The following COL27A1 variants were observed in gnomAD, a reference collection of about 807,000 sequenced individuals.
The protein encoded by COL27A1 is collagen type XXVII alpha 1 chain, also known as collagen alpha-1(XXVII) chain.
In COL27A1, 106 loss-of-function variants were observed where a neutral mutation model predicts 251.3. The ratio of observed to expected loss-of-function variants is 0.42; its 90% CI spans 0.36 to 0.50. The LOEUF (loss-of-function observed/expected upper bound fraction) is 0.50, where lower values mean the gene tolerates loss of function less well. Among genes scored for constraint, COL27A1 ranks in the 20% least tolerant of loss-of-function variants. The pLI is 0.00. For synonymous variants in COL27A1, 1,000 were observed against 986.3 expected, an observed-to-expected ratio of 1.01 and a Z score of -0.26; for missense variants, 2,325 against 2,522.8, an observed-to-expected ratio of 0.92 and a Z score of 1.68.
At chr9:114,280,102 G>T (rs1351031694) in intron 37 of COL27A1, among the ~76,000 whole-genome samples, 1 of 152,054 alleles carries the variant, frequency 6.6e-6, no homozygotes, top group Admixed American at 6.5e-5. Context: ...GGAAATACTT[G>T]ATCTGTATTT....
Position 114,308,572 on chromosome 9 carries a change from G to C in COL27A1, c.5218-688G>C, listed in dbSNP as rs184884862. 6.6e-5 allele frequency among the ~76,000 whole-genome samples: 10 copies of C among 152,342 alleles called. No individual in the cohort carries two copies. In the East Asian group the frequency reaches 1.7e-3, roughly 26 times the overall value. ...GACTCGAAACTCCCCTGCGGCCAGAGCTCACAGTCCAGCAGGGACTTGGTG... is the reference window on the plus strand; with the variant it reads ...GACTCGAAACTCCCCTGCGGCCAGACCTCACAGTCCAGCAGGGACTTGGTG... On this transcript the variant is annotated intron_variant, in intron 59 of 60. Coordinates refer to ENST00000356083, the MANE Select transcript of COL27A1 (RefSeq NM_032888.4).
chr9:114,201,835 G>A (rs915433823), intron 7 of COL27A1, among the ~76,000 whole-genome samples: 1 of 152,184 alleles, frequency 6.6e-6, no homozygotes, highest in African/African-American at 2.4e-5. Context: ...CTCTCCTTGA[G>A]TGGCTTTGTG....
intron 28 of COL27A1, among the ~76,000 whole-genome samples, chr9:114,261,799 G>T (rs1834359073): frequency 6.6e-6 from 1 of 152,156 alleles, no homozygotes; most frequent in Non-Finnish European, 1.5e-5. Flanking sequence ...CTCAAATTCT[G>T]GCTCCTCCAT....
At chr9:114,219,173 G>T (rs1043907173) in intron 12 of COL27A1, among the ~76,000 whole-genome samples, 1 of 152,198 alleles carries the variant, frequency 6.6e-6, no homozygotes, top group Admixed American at 6.5e-5. Context: ...TGGGGTCAGG[G>T]ATGGGGCGAG....
chr9:114,221,725 T>C (rs1385153575), intron 13 of COL27A1, among the ~76,000 whole-genome samples: 2 of 152,090 alleles, frequency 1.3e-5, no homozygotes, highest in Non-Finnish European at 2.9e-5. Context: ...AATGTGAGGG[T>C]GTGGGGTGCT....
chr9:114,238,929 C>A (rs781514934), intron 19 of COL27A1, among the ~76,000 whole-genome samples: 1 of 152,232 alleles, frequency 6.6e-6, no homozygotes. Flanking sequence ...AGGAAAGTGG[C>A]TTCCTCAGGG....
intron 3 of COL27A1, among the ~76,000 whole-genome samples, chr9:114,175,438 C>T (rs950568540): frequency 6.6e-6 from 1 of 152,236 alleles, no homozygotes; most frequent in African/African-American, 2.4e-5. Context: ...AGGGGGCACC[C>T]GTGCTCGCCA....
intron 27 of COL27A1, among the ~76,000 whole-genome samples, chr9:114,253,385 GA>G (rs796808311): frequency 1.5e-4 from 11 of 72,680 alleles, no homozygotes; most frequent in Admixed American, 3.3e-4. Flanking sequence ...AAGAAAGAAA[GA>G]AAAAAGAAAG....
intron 5 of COL27A1, 54 bp downstream of exon 5, chr9:114,183,129 G>A (rs1424042386): frequency 3.9e-6 from 6 of 1,527,074 alleles, no homozygotes; most frequent in Non-Finnish European, 5.4e-6. Context: ...TTGGAGCCAT[G>A]TTTGCAGTGC....
At chr9:114,165,141 G>C (rs890109546) in intron 2 of COL27A1, among the ~76,000 whole-genome samples, 1 of 152,162 alleles carries the variant, frequency 6.6e-6, no homozygotes, top group African/African-American at 2.4e-5. Flanking sequence ...TTATAGCCCT[G>C]TTTTACAGTG....
intron 24 of COL27A1, among the ~76,000 whole-genome samples, chr9:114,249,253 T>C (rs1051834003): frequency 5.9e-5 from 9 of 152,350 alleles, no homozygotes; most frequent in African/African-American, 2.2e-4. Context: ...TAATTAATTT[T>C]TAAAAATAAG....
chr9:114,181,229 T>G (rs1291030548), intron 4 of COL27A1, among the ~76,000 whole-genome samples: 2 of 152,022 alleles, frequency 1.3e-5, no homozygotes, highest in Non-Finnish European at 2.9e-5. Context: ...CCAGGTTCTG[T>G]CGCGTGCCAG....
rs75112976 is a variant in COL27A1 at position 114,290,369 on chromosome 9, T to C, written c.4368+38T>C. 6.6e-7 allele frequency: 1 copy of C among 1,516,430 alleles called. No individual in the cohort carries two copies. 93.9% of individuals were successfully genotyped at this position (1,516,430 alleles called of 1,614,324 possible). The stretch of plus-strand genomic sequence containing the variant: ...TGGCATTAACAGATGGTGGCTCCAT[T>C]TGGGACCAGGTGTAGGGGAACTTCC... On this transcript the variant is annotated intron_variant, in intron 47 of 60. Transcript: ENST00000356083. The surrounding 1 kb of genome is among the most constrained non-coding windows in gnomAD (Gnocchi z 4.6).
chr9:114,283,705 G>A lies in COL27A1; in HGVS notation c.3880-4G>A, dbSNP rs1053945037. ...ATACCAACGAGGGTCTCCTCCTCTT[G>A]TAGGGTGCTCCGGGACGCATGGGGG... is the stretch of plus-strand genomic sequence containing the variant. On this transcript the variant is annotated splice_polypyrimidine_tract_variant and splice_region_variant and intron_variant, in intron 39 of 60. Coordinates refer to ENST00000356083, the MANE Select transcript of COL27A1 (RefSeq NM_032888.4). 1 of 1,614,020 alleles carries A rather than the reference G, an allele frequency of 6.2e-7. No individual in the cohort carries two copies. Among genetic ancestry groups the A allele is most frequent in the South Asian group, 1.1e-5 (1 of 91,080 alleles).
intron 28 of COL27A1, among the ~76,000 whole-genome samples, chr9:114,262,434 T>C (rs934500677): frequency 6.6e-6 from 1 of 152,204 alleles, no homozygotes; most frequent in African/African-American, 2.4e-5. Flanking sequence ...CAGCATAGTG[T>C]GAACTGCCTG....
intron 37 of COL27A1, among the ~76,000 whole-genome samples, chr9:114,276,735 T>TC (rs1835534030): frequency 6.6e-6 from 1 of 152,190 alleles, no homozygotes; most frequent in Admixed American, 6.5e-5. Flanking sequence ...ACTTAGTCAG[T>TC]CCACAGACCC....
At chr9:114,287,585 G>A (rs886951359) in intron 41 of COL27A1, among the ~76,000 whole-genome samples, 1 of 152,056 alleles carries the variant, frequency 6.6e-6, no homozygotes, top group African/African-American at 2.4e-5. Flanking sequence ...CAATTTTAAC[G>A]CCATCTGCTG....
intron 11 of COL27A1, among the ~76,000 whole-genome samples, chr9:114,209,952 A>G (rs1044015481): frequency 9.2e-5 from 14 of 152,154 alleles, no homozygotes; most frequent in Non-Finnish European, 2.9e-5. Context: ...CGAGTTTAAC[A>G]CTCAACACTG....
chr9:114,167,756 C>T lies in COL27A1; in HGVS notation c.201C>T (p.Val67=). Residue 67 remains valine (V), a synonymous_variant, in exon 3 of 61, where the codon GTC becomes GTT. Coordinates refer to ENST00000356083, the MANE Select transcript of COL27A1 (RefSeq NM_032888.4). ...TKAGSPAPPG[V]IPFQSGFIFT... ...CCGGGAGCCCTGCACCCCCGGGAGT[C>T]ATTCCTTTCCAGTCGGGCTTCATCT... 1 of 1,613,878 alleles carries T rather than the reference C, an allele frequency of 6.2e-7. No homozygotes were observed. The highest frequency in any genetic ancestry group is 8.5e-7 in the Non-Finnish European group (1 of 1,180,026).
Sources: allele counts gnomAD v4.1 joint callset (sites outside exome capture counted in the v4.1 genomes callset), GRCh38; gene constraint gnomAD v4.1.1; non-coding constraint Gnocchi (gnomAD v3.1); transcripts MANE v1.5; gene names NCBI Gene and HGNC (gene_info 2026-07-23, HGNC 2026-07-21).